The following DNMBP variants were observed in gnomAD, a reference collection of about 807,000 sequenced individuals.
DNMBP encodes the protein dynamin binding protein, also known as dynamin-binding protein.
Under a neutral mutation model 150.0 loss-of-function variants are expected in DNMBP, and 87 were observed. That is an observed-to-expected ratio of 0.58 (90% CI 0.49 to 0.69). DNMBP has a LOEUF of 0.69. Among genes scored for constraint, DNMBP ranks in the 30% least tolerant of loss-of-function variants. DNMBP has a pLI of 0.00. For synonymous variants in DNMBP, 711 were observed against 750.4 expected (o/e 0.95, Z 0.86); for missense variants, 1,774 against 1,949.0 (o/e 0.91, Z 1.69).
At chr10:99,889,072 A>T (rs2133206850) in intron 11 of DNMBP, 119 bp from the exon 12 acceptor site, 1 of 1,180,910 alleles carries the variant, frequency 8.5e-7, no homozygotes, top group South Asian at 1.6e-5. Flanking sequence ...AAATTTTCTA[A>T]CTAGTCTGGT....
Position 99,898,180 on chromosome 10 carries a change from T to A in DNMBP, c.2826A>T (p.Glu942Asp). The A allele has an allele frequency of 6.2e-7, 1 of 1,614,082 alleles. No homozygotes were observed. Among genetic ancestry groups the A allele is most frequent in the South Asian group, 1.1e-5 (1 of 91,080 alleles). Residue 942 changes from glutamate to aspartate, a missense_variant, in exon 9 of 17, where the codon GAA becomes GAT. By Grantham distance (45) the Glu-to-Asp change is conservative. Transcript: ENST00000324109. ...LLMELLNSTP[E>D]SHPDKVPLTN... ...TTAAAGGCACTTTATCTGGGTGGGA[T>A]TCTGGGGTGGAATTCAGCAACTCCA...
At chr10:99,882,659 T>C (rs1481267589) in intron 15 of DNMBP, among the ~76,000 whole-genome samples, 1 of 152,202 alleles carries the variant, frequency 6.6e-6, no homozygotes, top group African/African-American at 2.4e-5. Flanking sequence ...GTATCTCACA[T>C]AATTGCAAAT....
intron 1 of DNMBP, among the ~76,000 whole-genome samples, chr10:99,993,645 A>G (rs912294702): frequency 6.6e-6 from 1 of 152,064 alleles, no homozygotes; most frequent in African/African-American, 2.4e-5. Context: ...ACAAAAATTT[A>G]TTAAAAATTA....
chr10:99,925,811 T>C (rs754304156), intron 4 of DNMBP, among the ~76,000 whole-genome samples: 2 of 152,192 alleles, frequency 1.3e-5, no homozygotes, highest in East Asian at 1.9e-4. Context: ...TTTTACTACA[T>C]AGAATGTAGT....
intron 15 of DNMBP, among the ~76,000 whole-genome samples, chr10:99,883,806 CTG>C (rs997745583): frequency 1.3e-5 from 2 of 152,030 alleles, no homozygotes; most frequent in African/African-American, 4.8e-5. Context: ...GGTGTCTCCT[CTG>C]GAATTTGTCA....
intron 3 of DNMBP, among the ~76,000 whole-genome samples, chr10:99,966,317 C>G (rs1364642710): frequency 6.6e-6 from 1 of 152,196 alleles, no homozygotes; most frequent in Non-Finnish European, 1.5e-5. Context: ...CCCAGTGTAT[C>G]CCCCTGCCCA....
Position 99,888,973 on chromosome 10 carries a change from A to G in DNMBP, c.3157-20T>C. 1 of 1,613,886 alleles carries G rather than the reference A, an allele frequency of 6.2e-7. No homozygotes were observed. Among genetic ancestry groups the G allele is most frequent in the Admixed American group, 1.7e-5 (1 of 59,960 alleles). On this transcript the variant is annotated intron_variant, in intron 11 of 16. Transcript: ENST00000324109. ...GGACTCCTGGAGCCAGTTAGGACAG[A>G]CACAAGTCAGAACAGACAGAACTTT...
Position 99,956,230 on chromosome 10 carries a change from T to C in DNMBP, c.1244A>G (p.Gln415Arg), listed in dbSNP as rs763010813. ...PTEVVNGISS[Q>R]PQVPFHPNLQ... is the part of the protein sequence containing the mutation. ...GTTGGGATGAAAAGGGACCTGAGGTTGGGAGGAAATACCATTGACTACTTC... is the reference window on the plus strand; with the variant it reads ...GTTGGGATGAAAAGGGACCTGAGGTCGGGAGGAAATACCATTGACTACTTC... The change falls in exon 4 of 17, where the codon CAA (glutamine) becomes CGA (arginine). Residue 415 changes from glutamine (Q) to arginine (R), a missense_variant. Coordinates refer to ENST00000324109, the MANE Select transcript of DNMBP (RefSeq NM_015221.4). 1 of 1,613,840 alleles carries C rather than the reference T, an allele frequency of 6.2e-7. No homozygotes were observed. The highest frequency in any genetic ancestry group is 1.1e-5 in the South Asian group (1 of 91,042).
At chr10:99,946,885 C>A (rs532895469) in intron 4 of DNMBP, among the ~76,000 whole-genome samples, 6 of 152,020 alleles carry the variant, frequency 3.9e-5, no homozygotes, top group African/African-American at 1.4e-4. Context: ...AGAAAAAAAA[C>A]AACCCCCCTA....
intron 1 of DNMBP, among the ~76,000 whole-genome samples, chr10:99,998,982 T>C (rs2040981955): frequency 6.6e-6 from 1 of 152,260 alleles, no homozygotes; most frequent in Non-Finnish European, 1.5e-5. Flanking sequence ...CAAAGAATGC[T>C]ACCTGGATGA....
rs1283167145 is a variant in DNMBP at position 100,009,873 on chromosome 10, A to C, written c.-46T>G. The C allele has an allele frequency of 6.8e-6, 1 of 147,806 alleles. No homozygotes were observed. The highest frequency in any genetic ancestry group is 1.5e-5 in the Non-Finnish European group (1 of 66,388). The allele number at this position is 147,806 out of a possible 1,614,324, so 9.2% of individuals were successfully genotyped here. A position where few individuals can be genotyped will look rare whatever the true frequency, so the allele number is the denominator to read the frequency against. ...CCGCCCGGCGGTCCCTCGGCGCGGC[A>C]GGCAGTTGCAGCCGCCAGTCCCCAG... On this transcript the variant is annotated 5_prime_UTR_variant, in exon 1 of 17. Transcript: ENST00000324109.
rs1362992103 is a variant in DNMBP at position 100,005,785 on chromosome 10, CCA to C, written c.-11+4051_-11+4052del. Among the ~76,000 whole-genome samples the C allele has an allele frequency of 2.8e-5, 3 of 108,500 alleles. 1 individual carries two copies. Among genetic ancestry groups the C allele is most frequent in the African/African-American group, 1.3e-4 (3 of 23,326 alleles). 71.2% of individuals were successfully genotyped at this position (108,500 alleles called of 152,430 possible). On this transcript the variant is annotated intron_variant, in intron 1 of 16. Coordinates refer to ENST00000324109, the MANE Select transcript of DNMBP (RefSeq NM_015221.4). ...TCTCCAAAAAAAAAAAAAAAAAAAA[CCA>C]AACTACATAAAGGAAAATGAATTAC... is the stretch of plus-strand genomic sequence containing the variant.
At chr10:99,975,566 G>A (rs148799429) in intron 1 of DNMBP, among the ~76,000 whole-genome samples, 7 of 151,948 alleles carry the variant, frequency 4.6e-5, no homozygotes, top group African/African-American at 1.7e-4. Flanking sequence ...ATAATAAGAC[G>A]ACTTGAGTCC....
rs752023993 is a variant in DNMBP at position 99,884,015 on chromosome 10, A to G, written c.3993T>C (p.Asn1331=). The G allele has an allele frequency of 3.7e-6, 6 of 1,612,372 alleles. No homozygotes were observed. The Admixed American group carries it at 6.7e-5, about 18-fold the overall frequency. The part of the protein sequence containing the change: ...MGSQNRWLID[N]GVTKGFVYSS... ...TCTGCTGCTTAAAATTCTTACCTCC[A>G]TTGTCAATCAGCCAGCGGTTCTGGC... The change falls in exon 15 of 17, where the codon AAT becomes AAC. Residue 1331 remains asparagine, a synonymous_variant. Transcript: ENST00000324109.
At chr10:99,969,084 C>T in intron 3 of DNMBP, 31 bp downstream of exon 3, 1 of 1,608,138 alleles carries the variant, frequency 6.2e-7, no homozygotes, top group Non-Finnish European at 8.5e-7. Context: ...AATCTAATTT[C>T]AAATAGTCTA....
Position 99,880,205 on chromosome 10 carries a change from A to C in DNMBP, c.4154T>G (p.Phe1385Cys). ...PRQNSGSTLT[F>C]NPSSMAVSFT... Reference sequence around the variant, plus strand: ...GGATACAGCCATGCTGCTGGGGTTGAAGGTCAGGGTGCTGCCGCTGTTCTG... The same window carrying C: ...GGATACAGCCATGCTGCTGGGGTTGCAGGTCAGGGTGCTGCCGCTGTTCTG... Residue 1385 changes from phenylalanine to cysteine, a missense_variant, in exon 16 of 17, where the codon TTC becomes TGC. This residue lies in a region of DNMBP where 1,430 missense variants were observed against 1,492.5 expected (regional missense o/e 0.96). Transcript: ENST00000324109. 6.2e-7 allele frequency: 1 copy of C among 1,614,128 alleles called. No individual in the cohort carries two copies. Among genetic ancestry groups the C allele is most frequent in the Non-Finnish European group, 8.5e-7 (1 of 1,180,004 alleles).
Position 99,894,961 on chromosome 10 carries a change from G to C in DNMBP, c.3141C>G (p.Tyr1047Ter). ...IKSFIRDLSL[Y>*]LQHIRESACV... Reference sequence around the variant, plus strand: ...TGATGCTCACCCGGATGTGCTGGAGGTAGAGAGACAGGTCTCGGATAAAAG... The same window carrying C: ...TGATGCTCACCCGGATGTGCTGGAGCTAGAGAGACAGGTCTCGGATAAAAG... Residue 1047 changes from tyrosine to a stop codon, truncating the protein, a stop_gained, in exon 11 of 17, where the codon TAC becomes TAG. Transcript: ENST00000324109. LOFTEE classifies it high-confidence loss of function. The C allele has an allele frequency of 6.2e-7, 1 of 1,613,604 alleles. No individual in the cohort carries two copies.
At chr10:99,882,096 G>A (rs999728474) in intron 15 of DNMBP, among the ~76,000 whole-genome samples, 7 of 152,154 alleles carry the variant, frequency 4.6e-5, no homozygotes, top group Non-Finnish European at 8.8e-5. Flanking sequence ...TGGAGGACAC[G>A]TTAAGTGAAA....
Position 99,908,054 on chromosome 10 carries a change from T to G in DNMBP, c.2495A>C (p.Gln832Pro). Residue 832 changes from glutamine (Q) to proline (P), a missense_variant, in exon 6 of 17, where the codon CAG becomes CCG. By Grantham distance (76) the Gln-to-Pro change is moderately conservative (BLOSUM62 -1). This residue lies in a region of DNMBP where 1,430 missense variants were observed against 1,492.5 expected (regional missense o/e 0.96). Coordinates refer to ENST00000324109, the MANE Select transcript of DNMBP (RefSeq NM_015221.4). ...TTGCTTCGAGACCTTAATCACCATC[T>G]GCATATTTCCAAAAAGTCCCTCAAA... ...IDFEGLFGNM[Q>P]MVIKVSKQLL... 1.2e-6 allele frequency: 2 copies of G among 1,614,126 alleles called. No homozygotes were observed.
Sources: allele counts gnomAD v4.1 joint callset (sites outside exome capture counted in the v4.1 genomes callset), GRCh38; gene constraint gnomAD v4.1.1; regional missense constraint gnomAD v4.1.1; transcripts MANE v1.5; gene names NCBI Gene and HGNC (gene_info 2026-07-23, HGNC 2026-07-21).